Variants in IFIT1B observed in about 807,000 individuals in gnomAD.
IFIT1B encodes the protein protein IFIT1 homolog B.
Under a neutral mutation model 2.5 loss-of-function variants are expected in IFIT1B, and 3 were observed. The ratio of observed to expected loss-of-function variants is 1.21; its 90% CI spans 0.55 to 3.14. The LOEUF is 3.14. IFIT1B is among the 30% of genes most tolerant of loss of function. IFIT1B has a pLI of 0.03. For missense variants in IFIT1B, 545 were observed against 556.5 expected (o/e 0.98, Z 0.21); for synonymous variants, 196 against 203.0 (o/e 0.97, Z 0.29).
chr10:89,378,191 C>G lies in IFIT1B; in HGVS notation c.5+51C>G. ...CCTTATTTCTGCACACTTTGAAATTCTAAAACTTTCCTTAAGGGCCAATTT... is the reference window on the plus strand; with the variant it reads ...CCTTATTTCTGCACACTTTGAAATTGTAAAACTTTCCTTAAGGGCCAATTT... On this transcript the variant is annotated intron_variant, in intron 1 of 1. Transcript: ENST00000371809. 4 of 1,607,166 alleles carry G rather than the reference C, an allele frequency of 2.5e-6. No individual in the cohort carries two copies. The South Asian group carries it at 3.3e-5, about 13-fold the overall frequency.
At chr10:89,378,324 G>A (rs1481821196) in intron 1 of IFIT1B, among the ~76,000 whole-genome samples, 184 bp downstream of exon 1, 1 of 152,138 alleles carries the variant, frequency 6.6e-6, no homozygotes, top group South Asian at 2.1e-4. Flanking sequence ...TATTTAAGAC[G>A]ATATGGGCAA....
At position 89,383,502 on chromosome 10, in the gene IFIT1B, C is replaced by A. The variant is rs1241113290; in HGVS notation, c.189C>A (p.His63Gln). Residue 63 changes from histidine (H) to glutamine (Q), a missense_variant, in exon 2 of 2, where the codon CAC becomes CAA. Transcript: ENST00000371809. ...ACAACCTACTAGCCTATGTGAAACA[C>A]CTGAAAGGCCAGAATGAGGAAGCCC... ...GIHNLLAYVK[H>Q]LKGQNEEALV... The A allele has an allele frequency of 6.2e-7, 1 of 1,614,130 alleles. No individual in the cohort carries two copies.
At chr10:89,383,266 C>A in intron 1 of IFIT1B, 53 bp from the exon 2 acceptor site, 1 of 1,480,596 alleles carries the variant, frequency 6.8e-7, no homozygotes, top group Non-Finnish European at 9.2e-7. Context: ...GCTTCATTTT[C>A]AGTGGACTGA....
In IFIT1B at chr10:89,384,580, G is replaced by C; in HGVS notation, c.1267G>C (p.Glu423Gln). The C allele has an allele frequency of 6.2e-7, 1 of 1,614,180 alleles. No individual in the cohort carries two copies. The highest frequency in any genetic ancestry group is 8.5e-7 in the Non-Finnish European group (1 of 1,180,012). ...HSREKLLNAL[E>Q]KLAKRCIHQN... ...CAGGGAAAAACTTCTCAATGCTTTA[G>C]AGAAATTGGCTAAAAGATGTATTCA... is the stretch of plus-strand genomic sequence containing the variant. Residue 423 changes from glutamate (E) to glutamine (Q), a missense_variant, in exon 2 of 2, where the codon GAG becomes CAG. Transcript: ENST00000371809.
In IFIT1B at chr10:89,383,844, C is replaced by A. The variant is rs1303864227; in HGVS notation, c.531C>A (p.Phe177Leu). 2 of 1,614,084 alleles carry A rather than the reference C, an allele frequency of 1.2e-6. No homozygotes were observed. Among genetic ancestry groups the A allele is most frequent in the Non-Finnish European group, 1.7e-6 (2 of 1,180,046 alleles). ...AAGGGAACCCTGAAAACCCTGAATT[C>A]AATACTGGGTACGCAATCACCGTCT... ...ALEGNPENPE[F>L]NTGYAITVYR... The change falls in exon 2 of 2, where the codon TTC (phenylalanine) becomes TTA (leucine). Residue 177 changes from phenylalanine to leucine, a missense_variant. Physicochemically the swap from Phe to Leu is conservative, Grantham distance 22 (BLOSUM62 0). Coordinates refer to ENST00000371809, the MANE Select transcript of IFIT1B (RefSeq NM_001010987.2).
At chr10:89,379,404 T>C (rs1435935365) in intron 1 of IFIT1B, among the ~76,000 whole-genome samples, 1 of 152,168 alleles carries the variant, frequency 6.6e-6, no homozygotes, top group African/African-American at 2.4e-5. Context: ...GAAAAACCAT[T>C]ATACTAGATG....
chr10:89,378,132 C>A lies in IFIT1B; in HGVS notation c.-4C>A, dbSNP rs2133601013. On this transcript the variant is annotated 5_prime_UTR_variant, in exon 1 of 2. Coordinates refer to ENST00000371809, the MANE Select transcript of IFIT1B (RefSeq NM_001010987.2). ...TACAGATCACCTGCTATCTTCATAG[C>A]ACCATGAGGTAAAGTCTTTCTCTGC... The A allele has an allele frequency of 6.2e-7, 1 of 1,613,934 alleles. No individual in the cohort carries two copies. The highest frequency in any genetic ancestry group is 8.5e-7 in the Non-Finnish European group (1 of 1,179,806).
chr10:89,382,153 AT>A (rs1371592789), intron 1 of IFIT1B, among the ~76,000 whole-genome samples: 7 of 152,078 alleles, frequency 4.6e-5, no homozygotes, highest in Non-Finnish European at 7.3e-5. Context: ...ATATTATATT[AT>A]ATTATGGTTA....
At chr10:89,382,751 A>G (rs1156248461) in intron 1 of IFIT1B, among the ~76,000 whole-genome samples, 1 of 152,268 alleles carries the variant, frequency 6.6e-6, no homozygotes, top group East Asian at 1.9e-4. Flanking sequence ...GAGTAAGTGC[A>G]CACAGGCAAA....
In IFIT1B at chr10:89,384,597, A is replaced by G; in HGVS notation, c.1284A>G (p.Arg428=). The G allele has an allele frequency of 6.2e-7, 1 of 1,614,206 alleles. No homozygotes were observed. Among genetic ancestry groups the G allele is most frequent in the Non-Finnish European group, 8.5e-7 (1 of 1,180,024 alleles). Residue 428 remains arginine, a synonymous_variant, in exon 2 of 2, where the codon AGA becomes AGG. Transcript: ENST00000371809. ...ATGCTTTAGAGAAATTGGCTAAAAG[A>G]TGTATTCACCAGAATGTACGGGTTG... ...LLNALEKLAK[R]CIHQNVRVVE... is the part of the protein sequence containing the mutation.
chr10:89,383,994 T>C lies in IFIT1B; in HGVS notation c.681T>C (p.Leu227=), dbSNP rs1333169085. 6.2e-7 allele frequency: 1 copy of C among 1,614,190 alleles called. No homozygotes were observed. Among genetic ancestry groups the C allele is most frequent in the Admixed American group, 1.7e-5 (1 of 60,026 alleles). The change falls in exon 2 of 2, where the codon CTT becomes CTC. Residue 227 remains leucine (L), a synonymous_variant. Coordinates refer to ENST00000371809, the MANE Select transcript of IFIT1B (RefSeq NM_001010987.2). ...TTAGGGTTCTCCTTGCCCTGAAGCT[T>C]CAGGATGAAGGACAGGAAGCTGAAG... ...VYIRVLLALK[L]QDEGQEAEGE... is the part of the protein sequence containing the mutation.
chr10:89,383,866 G>A lies in IFIT1B; in HGVS notation c.553G>A (p.Val185Ile), dbSNP rs183153471. The part of the protein sequence containing the change: ...PEFNTGYAIT[V>I]YRLDKFNTAS... ...ATTCAATACTGGGTACGCAATCACC[G>A]TCTATCGCCTGGATAAATTTAACAC... is the stretch of plus-strand genomic sequence containing the variant. The change falls in exon 2 of 2, where the codon GTC (valine) becomes ATC (isoleucine). Residue 185 changes from valine to isoleucine, a missense_variant. Transcript: ENST00000371809. 9.7e-5 allele frequency: 157 copies of A among 1,614,148 alleles called. 3 individuals carry two copies. The East Asian group carries it at 2.6e-3, about 27-fold the overall frequency.
chr10:89,383,247 G>A, intron 1 of IFIT1B, 72 bp from the exon 2 acceptor site: 1 of 1,334,102 alleles, frequency 7.5e-7, no homozygotes, highest in South Asian at 1.3e-5. Context: ...TTGACTATTT[G>A]AAGTGCTGGC....
At position 89,383,416 on chromosome 10, in the gene IFIT1B, T is replaced by A; in HGVS notation, c.103T>A (p.Leu35Ile). ...LLIEAPEIPDLENRIWEEIQF... is the reference protein window; with the variant it reads ...LLIEAPEIPDIENRIWEEIQF... ...AATTGAAGCCCCTGAAATTCCTGAT[T>A]TAGAAAACAGGATCTGGGAAGAGAT... Residue 35 changes from leucine (L) to isoleucine (I), a missense_variant, in exon 2 of 2, where the codon TTA becomes ATA. Coordinates refer to ENST00000371809, the MANE Select transcript of IFIT1B (RefSeq NM_001010987.2). 1 of 1,614,202 alleles carries A rather than the reference T, an allele frequency of 6.2e-7. No individual in the cohort carries two copies.
intron 1 of IFIT1B, among the ~76,000 whole-genome samples, chr10:89,380,356 C>T (rs1266885320): frequency 6.6e-6 from 1 of 152,066 alleles, no homozygotes; most frequent in African/African-American, 2.4e-5. Context: ...CAGGGAAATG[C>T]CTCACAAAAC....
rs1367730527 is a variant in IFIT1B at position 89,384,956 on chromosome 10, T to G, written c.*218T>G. The G allele has an allele frequency of 1.9e-6, 1 of 520,952 alleles. No homozygotes were observed. Among genetic ancestry groups the G allele is most frequent in the African/African-American group, 1.9e-5 (1 of 52,688 alleles). 32.3% of individuals were successfully genotyped at this position (520,952 alleles called of 1,614,324 possible). A position where few individuals can be genotyped will look rare whatever the true frequency, so the allele number is the denominator to read the frequency against. On this transcript the variant is annotated 3_prime_UTR_variant, in exon 2 of 2. Coordinates refer to ENST00000371809, the MANE Select transcript of IFIT1B (RefSeq NM_001010987.2). ...TTGTGGCACCAGACATAAGACCCCC[T>G]GAAAGTATCATCCCTCCTGATGGAA... is the stretch of plus-strand genomic sequence containing the variant.
intron 1 of IFIT1B, among the ~76,000 whole-genome samples, chr10:89,383,074 T>G (rs1415155202): frequency 6.6e-6 from 1 of 152,232 alleles, no homozygotes; most frequent in Non-Finnish European, 1.5e-5. Context: ...TAACCTCTTT[T>G]GAATTGACTT....
intron 1 of IFIT1B, among the ~76,000 whole-genome samples, chr10:89,383,090 C>T (rs915293140): frequency 3.9e-5 from 6 of 152,186 alleles, no homozygotes; most frequent in African/African-American, 9.7e-5. Context: ...GACTTTTAGA[C>T]TTCATGTAAC....
Position 89,383,376 on chromosome 10 carries a change from T to A in IFIT1B, c.63T>A (p.Phe21Leu), listed in dbSNP as rs1018832402. Reference sequence around the variant, plus strand: ...GCCTGATTCAGCTGAGATGTCACTTTACATGGAAGTTGTTAATTGAAGCCC... The same window carrying A: ...GCCTGATTCAGCTGAGATGTCACTTAACATGGAAGTTGTTAATTGAAGCCC... ...EDSLIQLRCHFTWKLLIEAPE... is the reference protein window; with the variant it reads ...EDSLIQLRCHLTWKLLIEAPE... The change falls in exon 2 of 2, where the codon TTT becomes TTA. Residue 21 changes from phenylalanine to leucine, a missense_variant. Phe to Leu is a conservative substitution (Grantham distance 22). Transcript: ENST00000371809. 2 of 1,614,120 alleles carry A rather than the reference T, an allele frequency of 1.2e-6. No homozygotes were observed. The highest frequency in any genetic ancestry group is 2.7e-5 in the African/African-American group (2 of 74,950).
Sources: allele counts gnomAD v4.1 joint callset (sites outside exome capture counted in the v4.1 genomes callset), GRCh38; gene constraint gnomAD v4.1.1; transcripts MANE v1.5; gene names NCBI Gene and HGNC (gene_info 2026-07-23, HGNC 2026-07-21).